Variants in GRIN2A observed in about 807,000 individuals in gnomAD.
GRIN2A encodes the protein glutamate ionotropic receptor NMDA type subunit 2A, also known as glutamate receptor ionotropic, NMDA 2A.
Under a neutral mutation model 113.4 loss-of-function variants are expected in GRIN2A, and 22 were observed. The ratio of observed to expected loss-of-function variants is 0.19; its 90% CI spans 0.14 to 0.28. The LOEUF is 0.28. Among genes scored for constraint, GRIN2A ranks in the 10% least tolerant of loss-of-function variants. The probability of loss-of-function intolerance (pLI) is 1.00; values close to 1 mark genes in which losing one functional copy is unlikely to be tolerated. For missense variants in GRIN2A, 1,502 were observed against 1,887.0 expected (o/e 0.80, Z 3.78); for synonymous variants, 827 against 738.4 (o/e 1.12, Z -1.94).
At chr16:9,817,113 C>G (rs1393422549) in intron 10 of GRIN2A, among the ~76,000 whole-genome samples, 1 of 152,190 alleles carries the variant, frequency 6.6e-6, no homozygotes, top group Non-Finnish European at 1.5e-5. Context: ...CTATGCCTTT[C>G]TTCAAAAAAT....
intron 2 of GRIN2A, among the ~76,000 whole-genome samples, chr16:10,122,416 T>G (rs971775599): frequency 2.0e-5 from 3 of 152,152 alleles, no homozygotes; most frequent in Non-Finnish European, 4.4e-5. Context: ...TGCAAAGTGA[T>G]GAACATTGCA....
At chr16:9,818,919 C>T (rs565284783) in intron 10 of GRIN2A, among the ~76,000 whole-genome samples, 2 of 152,312 alleles carry the variant, frequency 1.3e-5, no homozygotes, top group Non-Finnish European at 1.5e-5. Context: ...AAGATATTCA[C>T]TACAGCTTTG....
At chr16:9,994,220 G>C (rs1396915528) in intron 2 of GRIN2A, among the ~76,000 whole-genome samples, 4 of 152,154 alleles carry the variant, frequency 2.6e-5, no homozygotes, top group Non-Finnish European at 4.4e-5. Flanking sequence ...AACTGCTGAA[G>C]AGGGCCCTGC....
intron 3 of GRIN2A, among the ~76,000 whole-genome samples, chr16:9,933,128 T>G (rs1283547663): frequency 6.6e-6 from 1 of 152,246 alleles, no homozygotes; most frequent in Non-Finnish European, 1.5e-5. Context: ...GAGCTATTTT[T>G]AAACTTTGGA....
chr16:10,022,560 G>A (rs1163920097), intron 2 of GRIN2A, among the ~76,000 whole-genome samples: 1 of 152,178 alleles, frequency 6.6e-6, no homozygotes, highest in African/African-American at 2.4e-5. Flanking sequence ...ATACATCAGT[G>A]CTGCACCATA....
chr16:9,863,209 A>C (rs1033929735), intron 4 of GRIN2A, among the ~76,000 whole-genome samples: 1 of 152,184 alleles, frequency 6.6e-6, no homozygotes, highest in Non-Finnish European at 1.5e-5. Flanking sequence ...TCTTAAGGGA[A>C]TATTTCATGG....
chr16:10,134,421 GA>G (rs1440723647), intron 2 of GRIN2A, among the ~76,000 whole-genome samples: 1 of 136,296 alleles, frequency 7.3e-6, no homozygotes, highest in Non-Finnish European at 1.5e-5. Flanking sequence ...GGTGATAATT[GA>G]ACAATGAGAA....
chr16:10,137,954 C>T (rs2049235917), intron 2 of GRIN2A, among the ~76,000 whole-genome samples: 1 of 152,194 alleles, frequency 6.6e-6, no homozygotes, highest in Non-Finnish European at 1.5e-5. Context: ...ATGGGCTGTA[C>T]AGTCTGGGAT....
chr16:9,982,955 A>G (rs2045917596), intron 2 of GRIN2A, among the ~76,000 whole-genome samples: 1 of 152,202 alleles, frequency 6.6e-6, no homozygotes, highest in Non-Finnish European at 1.5e-5. Context: ...TATTTTAAGT[A>G]AAAATACATC....
chr16:9,866,189 A>G (rs1463997197), intron 4 of GRIN2A, among the ~76,000 whole-genome samples: 1 of 152,212 alleles, frequency 6.6e-6, no homozygotes, highest in African/African-American at 2.4e-5. Flanking sequence ...AGAAAATGCT[A>G]ACAGCCAAAG....
intron 2 of GRIN2A, among the ~76,000 whole-genome samples, chr16:10,091,489 CACAA>C (rs1269774625): frequency 4.9e-5 from 7 of 141,908 alleles, no homozygotes; most frequent in Non-Finnish European, 7.8e-5. Context: ...CACACACACA[CACAA>C]ACACACAAAA....
intron 2 of GRIN2A, among the ~76,000 whole-genome samples, chr16:9,950,745 C>A (rs1344618811): frequency 1.3e-5 from 2 of 152,222 alleles, no homozygotes; most frequent in African/African-American, 4.8e-5. Context: ...AGTTCTTCCA[C>A]AGGCTACCCG....
At chr16:9,777,134 C>A (rs1227397063) in intron 11 of GRIN2A, among the ~76,000 whole-genome samples, 1 of 152,142 alleles carries the variant, frequency 6.6e-6, no homozygotes, top group Non-Finnish European at 1.5e-5. Context: ...TGAGGCAAGT[C>A]CACCCTCCCA....
rs182447135 is a variant in GRIN2A at position 10,122,021 on chromosome 16, A to G, written c.414+57977T>C. On this transcript the variant is annotated intron_variant, in intron 2 of 12. Coordinates refer to ENST00000330684, the MANE Select transcript of GRIN2A (RefSeq NM_001134407.3). ...TGAATACTCTTTTCACAAAGGCTTC[A>G]CGTCAGATGAACTTCAAGCACCAAG... 7.2e-5 allele frequency among the ~76,000 whole-genome samples: 11 copies of G among 152,316 alleles called. No individual in the cohort carries two copies. In the East Asian group the frequency reaches 2.1e-3, roughly 29 times the overall value.
intron 2 of GRIN2A, among the ~76,000 whole-genome samples, chr16:10,017,354 C>T (rs567715657): frequency 6.6e-6 from 1 of 150,736 alleles, no homozygotes; most frequent in Non-Finnish European, 1.5e-5. Flanking sequence ...CTTGGTGGGG[C>T]GGCAGTCAGA....
chr16:9,770,874 G>A lies in GRIN2A; in HGVS notation c.2357-1785C>T, dbSNP rs986196249. 9.9e-5 allele frequency among the ~76,000 whole-genome samples: 15 copies of A among 152,132 alleles called. 1 individual carries two copies. The highest frequency in any genetic ancestry group is 3.1e-4 in the African/African-American group (13 of 41,486). On this transcript the variant is annotated intron_variant, in intron 11 of 12. Coordinates refer to ENST00000330684, the MANE Select transcript of GRIN2A (RefSeq NM_001134407.3). ...TATACTACCTCTCCCCGCTCCCTTCGGTTTTCCCTGTTAACATCTTGCATT... is the reference window on the plus strand; with the variant it reads ...TATACTACCTCTCCCCGCTCCCTTCAGTTTTCCCTGTTAACATCTTGCATT...
chr16:9,953,509 C>G (rs997870787), intron 2 of GRIN2A, among the ~76,000 whole-genome samples: 6 of 151,970 alleles, frequency 3.9e-5, no homozygotes, highest in Admixed American at 3.9e-4. Context: ...GGGAGTCCAC[C>G]AAGAAGGTGG....
At chr16:10,107,341 A>T (rs1393561152) in intron 2 of GRIN2A, among the ~76,000 whole-genome samples, 2 of 152,182 alleles carry the variant, frequency 1.3e-5, no homozygotes, top group Non-Finnish European at 2.9e-5. Context: ...CACAAGGCAT[A>T]AACAGCAGCA....
chr16:10,113,917 A>G (rs2048675484), intron 2 of GRIN2A, among the ~76,000 whole-genome samples: 1 of 152,202 alleles, frequency 6.6e-6, no homozygotes, highest in South Asian at 2.1e-4. Context: ...AAGATTTTTA[A>G]CCTTAGTTGG....
Sources: gnomAD v4.1 joint callset for allele counts (sites outside exome capture counted in the v4.1 genomes callset) on GRCh38, gnomAD v4.1.1 for gene constraint, MANE v1.5 for transcripts, NCBI Gene and HGNC (gene_info 2026-07-23, HGNC 2026-07-21) for gene names.